Variants in GRM5 observed in about 807,000 individuals in gnomAD.
GRM5 encodes the protein metabotropic glutamate receptor 5.
Under a neutral mutation model 83.1 loss-of-function variants are expected in GRM5, and 19 were observed. The observed-to-expected ratio is 0.23, with a 90% CI of 0.16 to 0.34. GRM5 has a LOEUF of 0.34. GRM5 is among the 10% of genes least tolerant of loss of function. The probability of loss-of-function intolerance (pLI) is 1.00; values close to 1 mark genes in which losing one functional copy is unlikely to be tolerated. For missense variants in GRM5, 1,160 were observed against 1,588.3 expected (o/e 0.73, Z 4.58); for synonymous variants, 675 against 633.6 (o/e 1.07, Z -0.98).
At chr11:88,968,540 T>G (rs1302410964) in intron 2 of GRM5, among the ~76,000 whole-genome samples, 2 of 151,960 alleles carry the variant, frequency 1.3e-5, no homozygotes, top group Admixed American at 6.6e-5. Context: ...AATAAAAAAC[T>G]TAGCTGGGTG....
chr11:89,001,136 C>A (rs1260045653), intron 2 of GRM5, among the ~76,000 whole-genome samples: 3 of 151,602 alleles, frequency 2.0e-5, no homozygotes, highest in East Asian at 3.9e-4. Context: ...CTCCAGGAGA[C>A]AATGTTAAGG....
intron 3 of GRM5, among the ~76,000 whole-genome samples, chr11:88,827,481 C>T (rs1249416860): frequency 1.3e-5 from 2 of 152,214 alleles, no homozygotes; most frequent in Admixed American, 6.5e-5. Context: ...TGCTTTAGGA[C>T]AAATGAAGAG....
At position 88,567,681 on chromosome 11, in the gene GRM5, G is replaced by A. The variant is rs1274704948; in HGVS notation, c.2002C>T (p.Arg668Cys). The change falls in exon 8 of 10, where the codon CGT (arginine) becomes TGT (cysteine). Residue 668 changes from arginine (R) to cysteine (C), a missense_variant. Transcript: ENST00000305447. This position sits in a 1 kb window ranked among gnomAD's most constrained non-coding sequence, Gnocchi z 7.3. ...CTGCCAGCCAGGATCCTTGCAATAC[G>A]GTTGGTCTTTGTTACAAGGGCTGAG... is the stretch of plus-strand genomic sequence containing the variant. The part of the protein sequence containing the change: ...SYSALVTKTN[R>C]IARILAGSKK... 5 of 1,613,950 alleles carry A rather than the reference G, an allele frequency of 3.1e-6. No individual in the cohort carries two copies. The highest frequency in any genetic ancestry group is 4.2e-6 in the Non-Finnish European group (5 of 1,179,970).
chr11:88,659,900 AT>A (rs1939860565), intron 3 of GRM5, among the ~76,000 whole-genome samples: 1 of 124,456 alleles, frequency 8.0e-6, no homozygotes, highest in Non-Finnish European at 1.9e-5. Context: ...TTCTTTCTTC[AT>A]TTCCTATCCA....
chr11:88,935,656 T>C (rs1324963636), intron 2 of GRM5, among the ~76,000 whole-genome samples: 2 of 151,882 alleles, frequency 1.3e-5, no homozygotes, highest in Non-Finnish European at 2.9e-5. Flanking sequence ...AGGATAAGAC[T>C]CGTGTTCCAG....
At chr11:88,532,796 A>T (rs1942043721) in intron 8 of GRM5, among the ~76,000 whole-genome samples, 1 of 152,228 alleles carries the variant, frequency 6.6e-6, no homozygotes, top group South Asian at 2.1e-4. Context: ...ATGTTTACAG[A>T]AAGTGGTAAC....
chr11:88,923,522 G>T (rs1945729573), intron 2 of GRM5, among the ~76,000 whole-genome samples: 1 of 152,118 alleles, frequency 6.6e-6, no homozygotes, highest in African/African-American at 2.4e-5. Context: ...AGAGTAGACA[G>T]TAGAATGATG....
At chr11:88,557,637 A>G (rs1482250961) in intron 8 of GRM5, among the ~76,000 whole-genome samples, 1 of 151,786 alleles carries the variant, frequency 6.6e-6, no homozygotes, top group African/African-American at 2.4e-5. Flanking sequence ...GCTGACACAC[A>G]TTTTACATGC....
At chr11:88,565,203 G>C (rs926124723) in intron 8 of GRM5, among the ~76,000 whole-genome samples, 1 of 152,208 alleles carries the variant, frequency 6.6e-6, no homozygotes, top group Non-Finnish European at 1.5e-5. Flanking sequence ...GATGCTGCCA[G>C]TATTTAATCC....
chr11:88,640,292 A>C (rs1248209448), intron 4 of GRM5, among the ~76,000 whole-genome samples: 1 of 152,150 alleles, frequency 6.6e-6, no homozygotes, highest in African/African-American at 2.4e-5. Context: ...GTCTGTTATT[A>C]TTGTTCTAGT....
chr11:88,860,908 T>C (rs1944550830), intron 2 of GRM5, among the ~76,000 whole-genome samples: 3 of 152,158 alleles, frequency 2.0e-5, no homozygotes, highest in African/African-American at 7.2e-5. Flanking sequence ...GTCCAGTTAA[T>C]AGCCACTTGC....
chr11:88,938,057 A>G (rs565100562), intron 2 of GRM5, among the ~76,000 whole-genome samples: 2 of 151,862 alleles, frequency 1.3e-5, no homozygotes, highest in East Asian at 3.9e-4. Context: ...TATTCTCACG[A>G]CCAACAAGGA....
chr11:88,541,517 A>G (rs935973643), intron 8 of GRM5, among the ~76,000 whole-genome samples: 5 of 152,324 alleles, frequency 3.3e-5, no homozygotes, highest in African/African-American at 1.2e-4. Flanking sequence ...TAGATATACC[A>G]TAGCTCTTCA....
chr11:88,722,672 C>G (rs34726613), intron 3 of GRM5, among the ~76,000 whole-genome samples: 1 of 152,038 alleles, frequency 6.6e-6, no homozygotes, highest in Non-Finnish European at 1.5e-5. Flanking sequence ...GATTTTCCAG[C>G]AATTCATGGC....
At chr11:88,676,436 TCC>T (rs1940331224) in intron 3 of GRM5, among the ~76,000 whole-genome samples, 1 of 152,038 alleles carries the variant, frequency 6.6e-6, no homozygotes, top group Non-Finnish European at 1.5e-5. Context: ...CACTTGAAGT[TCC>T]TTGGGGGCAG....
At chr11:88,557,311 C>T (rs753251650) in intron 8 of GRM5, among the ~76,000 whole-genome samples, 1 of 152,116 alleles carries the variant, frequency 6.6e-6, no homozygotes, top group Admixed American at 6.6e-5. Context: ...GTGTTTACTG[C>T]ATAAAGGATG....
At chr11:88,608,660 A>G (rs886910738) in intron 4 of GRM5, among the ~76,000 whole-genome samples, 3 of 151,738 alleles carry the variant, frequency 2.0e-5, no homozygotes, top group African/African-American at 7.3e-5. Context: ...CTGGGACTAC[A>G]GGAACCTGCC....
chr11:88,967,250 T>TATATATATATATATACAC (rs1202017538), intron 2 of GRM5, among the ~76,000 whole-genome samples: 6 of 2,088 alleles, frequency 2.9e-3, no homozygotes, highest in Admixed American at 5.6e-3. Flanking sequence ...TATATACACA[T>TATATATATATATATACAC]ATATATATAT....
rs1170110077 is a variant in GRM5 at position 88,508,875 on chromosome 11, G to C, written c.3356C>G (p.Pro1119Arg). Residue 1119 changes from proline (P) to arginine (R), a missense_variant, in exon 10 of 10, where the codon CCG becomes CGG. Physicochemically the swap from Pro to Arg is moderately radical, Grantham distance 103. This residue lies in a region of GRM5 where 562 missense variants were observed against 532.4 expected (regional missense o/e 1.06). Coordinates refer to ENST00000305447, the MANE Select transcript of GRM5 (RefSeq NM_001143831.3). This position sits in a 1 kb window ranked among gnomAD's most constrained non-coding sequence, Gnocchi z 4.2. The part of the protein sequence containing the change: ...MTTFAEIQPL[P>R]AIEVTGGAQP... ...CGCGCCTCCCGTGACTTCGATGGCC[G>C]GCAGAGGCTGGATTTCGGCAAAGGT... The C allele has an allele frequency of 2.5e-6, 4 of 1,587,870 alleles. No homozygotes were observed. The highest frequency in any genetic ancestry group is 2.3e-5 in the South Asian group (2 of 87,050).
Sources: allele counts gnomAD v4.1 joint callset (sites outside exome capture counted in the v4.1 genomes callset), GRCh38; gene constraint gnomAD v4.1.1; regional missense constraint gnomAD v4.1.1; non-coding constraint Gnocchi (gnomAD v3.1); transcripts MANE v1.5; gene names NCBI Gene and HGNC (gene_info 2026-07-23, HGNC 2026-07-21).